IRAK3: variants seen among roughly 807,000 people sequenced by gnomAD.
IRAK3 encodes the protein interleukin-1 receptor-associated kinase 3.
In IRAK3, 57 loss-of-function variants were observed where a neutral mutation model predicts 56.6. The observed-to-expected ratio is 1.01, with a 90% CI of 0.81 to 1.26. IRAK3 has a LOEUF of 1.26. Ranked by LOEUF, IRAK3 falls within the 50% of genes most tolerant of loss-of-function variation. The probability of loss-of-function intolerance (pLI) is 0.00; values close to 1 mark genes in which losing one functional copy is unlikely to be tolerated. For synonymous variants in IRAK3, 258 were observed against 255.7 expected (o/e 1.01, Z -0.09); for missense variants, 703 against 719.0 (o/e 0.98, Z 0.25).
chr12:66,203,675 G>A (rs1565800019), intron 1 of IRAK3, 36 bp from the exon 2 acceptor site: 3 of 1,575,716 alleles, frequency 1.9e-6, no homozygotes, highest in South Asian at 2.2e-5. Flanking sequence ...TAAAAGTACA[G>A]TAAACAATTC....
intron 5 of IRAK3, among the ~76,000 whole-genome samples, chr12:66,212,763 G>A (rs1006895646): frequency 2.0e-5 from 3 of 152,028 alleles, no homozygotes; most frequent in South Asian, 2.1e-4. Context: ...CATCCTTAGC[G>A]AACGAACACA....
At chr12:66,240,014 C>A (rs1436152036) in intron 8 of IRAK3, among the ~76,000 whole-genome samples, 2 of 152,242 alleles carry the variant, frequency 1.3e-5, no homozygotes, top group South Asian at 2.1e-4. Flanking sequence ...CATCCTACAA[C>A]CCCCTGTATT....
intron 6 of IRAK3, among the ~76,000 whole-genome samples, chr12:66,221,636 G>A (rs1419016544): frequency 6.6e-6 from 1 of 152,156 alleles, no homozygotes; most frequent in Non-Finnish European, 1.5e-5. Flanking sequence ...TTATTTTTCA[G>A]TCTGTTAATA....
intron 11 of IRAK3, among the ~76,000 whole-genome samples, chr12:66,246,806 G>GT (rs1264174947): frequency 6.6e-6 from 1 of 152,060 alleles, no homozygotes; most frequent in Non-Finnish European, 1.5e-5. Flanking sequence ...GTATATGAAG[G>GT]TATGTTGTAT....
chr12:66,206,147 G>A (rs1234295100), intron 2 of IRAK3, among the ~76,000 whole-genome samples: 1 of 152,094 alleles, frequency 6.6e-6, no homozygotes, highest in African/African-American at 2.4e-5. Flanking sequence ...TTCACAAACA[G>A]CAAAAGAAAT....
chr12:66,197,977 G>A, intron 1 of IRAK3: 1 of 985,254 alleles, frequency 1.0e-6, no homozygotes, highest in Non-Finnish European at 1.2e-6. Flanking sequence ...GACATTCCCT[G>A]GGACTTGAAA....
rs1262975727 is a variant in IRAK3 at position 66,217,162 on chromosome 12, T to C, written c.589-9T>C. The C allele has an allele frequency of 3.8e-6, 6 of 1,590,120 alleles. No individual in the cohort carries two copies. The highest frequency in any genetic ancestry group is 5.2e-6 in the Non-Finnish European group (6 of 1,158,214). ...CCTTAATTTTGTTCTTGTCTTTCTG[T>C]ATATGTAGGAGAAAAAAATGCAGTG... On this transcript the variant is annotated splice_polypyrimidine_tract_variant and intron_variant, in intron 5 of 11. Transcript: ENST00000261233.
intron 8 of IRAK3, among the ~76,000 whole-genome samples, chr12:66,240,176 G>A (rs2052952209): frequency 6.6e-6 from 1 of 152,132 alleles, no homozygotes; most frequent in Non-Finnish European, 1.5e-5. Context: ...CACTCCTTAC[G>A]TTTTCTCATT....
chr12:66,192,045 G>T (rs2052404776), intron 1 of IRAK3, among the ~76,000 whole-genome samples: 1 of 152,168 alleles, frequency 6.6e-6, no homozygotes. Flanking sequence ...ACAGATGCAG[G>T]TCCCACTCCT....
chr12:66,244,881 A>C, intron 9 of IRAK3, 67 bp from the exon 10 acceptor site: 1 of 1,226,608 alleles, frequency 8.2e-7, no homozygotes, highest in African/African-American at 1.5e-5. Context: ...AGTCATGGTT[A>C]ATAGTTGCAA....
At chr12:66,234,169 C>T (rs952793585) in intron 8 of IRAK3, 3 of 1,614,188 alleles carry the variant, frequency 1.9e-6, no homozygotes, top group Non-Finnish European at 1.7e-6. Context: ...GAGCCGCTGT[C>T]GTCTGCATAT....
At chr12:66,246,605 C>T (rs945179666) in intron 11 of IRAK3, among the ~76,000 whole-genome samples, 1 of 152,190 alleles carries the variant, frequency 6.6e-6, no homozygotes, top group Non-Finnish European at 1.5e-5. Flanking sequence ...CCCGGAGATC[C>T]GGTGTCAAAC....
chr12:66,197,415 T>C, intron 1 of IRAK3: 1 of 986,874 alleles, frequency 1.0e-6, no homozygotes, highest in Non-Finnish European at 1.2e-6. Flanking sequence ...TCCTGTTGTA[T>C]CAGATTGGAG....
chr12:66,250,043 T>C lies in IRAK3; in HGVS notation c.*1872T>C, dbSNP rs1291981934. 6.6e-6 allele frequency: 1 copy of C among 152,238 alleles called. No individual in the cohort carries two copies. The highest frequency in any genetic ancestry group is 1.9e-4 in the East Asian group (1 of 5,198). The allele number at this position is 152,238 out of a possible 1,614,324, so 9.4% of individuals were successfully genotyped here. A position where few individuals can be genotyped will look rare whatever the true frequency, so the allele number is the denominator to read the frequency against. On this transcript the variant is annotated 3_prime_UTR_variant, in exon 12 of 12. Transcript: ENST00000261233. ...TGTCATCCTACACAGAGCAGGTGTT[T>C]CCTTATAAATTAAGTTGAATTAAAT...
At chr12:66,224,244 G>T (rs2052764301) in intron 6 of IRAK3, among the ~76,000 whole-genome samples, 1 of 152,178 alleles carries the variant, frequency 6.6e-6, no homozygotes, top group Non-Finnish European at 1.5e-5. Context: ...AACTGAGGTA[G>T]ATCTTACCTT....
chr12:66,219,762 A>C (rs1422591283), intron 6 of IRAK3, among the ~76,000 whole-genome samples: 2 of 152,154 alleles, frequency 1.3e-5, no homozygotes, highest in Non-Finnish European at 2.9e-5. Context: ...GTGAGGTGAT[A>C]TCTCATTGTG....
chr12:66,197,395 G>C, intron 1 of IRAK3: 1 of 989,914 alleles, frequency 1.0e-6, no homozygotes, highest in Non-Finnish European at 1.2e-6. Flanking sequence ...AACATGTTGA[G>C]AGTTTGCATT....
intron 2 of IRAK3, among the ~76,000 whole-genome samples, chr12:66,208,630 AG>A (rs1477023815): frequency 6.6e-6 from 1 of 151,690 alleles, no homozygotes; most frequent in Non-Finnish European, 1.5e-5. Flanking sequence ...GCATGGTGGC[AG>A]GGGTTTGTAA....
At chr12:66,237,131 G>C (rs1389088306) in intron 8 of IRAK3, among the ~76,000 whole-genome samples, 2 of 152,036 alleles carry the variant, frequency 1.3e-5, no homozygotes, top group Non-Finnish European at 1.5e-5. Context: ...ATCCCCTGAG[G>C]CTCAGTCTCT....
Sources: gnomAD v4.1 joint callset for allele counts (sites outside exome capture counted in the v4.1 genomes callset) on GRCh38, gnomAD v4.1.1 for gene constraint, MANE v1.5 for transcripts, NCBI Gene and HGNC (gene_info 2026-07-23, HGNC 2026-07-21) for gene names.